The following ZNF492 variants were observed in gnomAD, a reference collection of about 807,000 sequenced individuals.
ZNF492 encodes zinc finger protein 492, also known as zinc finger protein 115 (Y20).
Under a neutral mutation model 6.4 loss-of-function variants are expected in ZNF492, and 3 were observed. The ratio of observed to expected loss-of-function variants is 0.47; its 90% CI spans 0.21 to 1.22. ZNF492 has a LOEUF of 1.22. Ranked by LOEUF, ZNF492 falls within the 50% of genes most tolerant of loss-of-function variation. The pLI is 0.22. For missense variants in ZNF492, 356 were observed against 612.5 expected (o/e 0.58, Z 4.42); for synonymous variants, 112 against 205.3 (o/e 0.55, Z 3.89).
At chr19:22,650,952 G>C (rs537931276) in intron 1 of ZNF492, among the ~76,000 whole-genome samples, 3 of 152,286 alleles carry the variant, frequency 2.0e-5, no homozygotes, top group African/African-American at 7.2e-5. Context: ...CCTCCCCTGG[G>C]AACTCAGCAG....
chr19:22,663,736 G>C (rs1972082487), intron 3 of ZNF492, 64 bp from the exon 4 acceptor site: 2 of 1,402,746 alleles, frequency 1.4e-6, no homozygotes, highest in Non-Finnish European at 9.4e-7. Context: ...TTATAGGTTA[G>C]ATTTGTAAAG....
In ZNF492 at chr19:22,666,082, C is replaced by T. The variant is rs1320149960; in HGVS notation, c.*817C>T. The T allele has an allele frequency of 6.6e-6, 1 of 151,668 alleles. No homozygotes were observed. The highest frequency in any genetic ancestry group is 1.5e-5 in the Non-Finnish European group (1 of 67,942). The allele number at this position is 151,668 out of a possible 1,614,324, so 9.4% of individuals were successfully genotyped here. A position where few individuals can be genotyped will look rare whatever the true frequency, so the allele number is the denominator to read the frequency against. On this transcript the variant is annotated 3_prime_UTR_variant, in exon 4 of 4. Transcript: ENST00000456783. ...TTAAAAGTAAATAACTCTCAAATTA[C>T]TTCATACAAATAATGTTGTAATTAA...
chr19:22,659,502 T>C (rs1225784514), intron 3 of ZNF492, among the ~76,000 whole-genome samples: 1 of 151,724 alleles, frequency 6.6e-6, no homozygotes, highest in Non-Finnish European at 1.5e-5. Context: ...TGTTGCTCTC[T>C]ATGTGTCTCT....
rs1015716025 is a variant in ZNF492, at chr19:22,667,026, C to G, written c.*1761C>G. ...GGTAGATCACCTGAGGTCGGGAGTT[C>G]AAGACCAGCCTGACCAACATGGAGA... On this transcript the variant is annotated 3_prime_UTR_variant, in exon 4 of 4. Coordinates refer to ENST00000456783, the MANE Select transcript of ZNF492 (RefSeq NM_020855.3). 6.6e-6 allele frequency: 1 copy of G among 152,078 alleles called. No individual in the cohort carries two copies. Among genetic ancestry groups the G allele is most frequent in the African/African-American group, 2.4e-5 (1 of 41,394 alleles). The allele number at this position is 152,078 out of a possible 1,614,324, so 9.4% of individuals were successfully genotyped here. A position where few individuals can be genotyped will look rare whatever the true frequency, so the allele number is the denominator to read the frequency against.
chr19:22,651,840 A>C (rs1472670363), intron 1 of ZNF492, among the ~76,000 whole-genome samples: 1 of 146,770 alleles, frequency 6.8e-6, no homozygotes, highest in East Asian at 2.0e-4. Context: ...TTACGCAGAA[A>C]GTTTAAAAAT....
intron 3 of ZNF492, among the ~76,000 whole-genome samples, chr19:22,654,527 CT>C (rs969478039): frequency 5.1e-5 from 7 of 136,852 alleles, no homozygotes; most frequent in South Asian, 2.5e-4. Flanking sequence ...CTGCTTTGTC[CT>C]TTTTTTTTCA....
At chr19:22,660,281 A>G (rs1275128443) in intron 3 of ZNF492, among the ~76,000 whole-genome samples, 2 of 152,122 alleles carry the variant, frequency 1.3e-5, no homozygotes, top group African/African-American at 2.4e-5. Flanking sequence ...ATTGATAAAG[A>G]CGGACTGTTA....
At chr19:22,641,883 T>A (rs1971828529) in intron 1 of ZNF492, among the ~76,000 whole-genome samples, 1 of 152,126 alleles carries the variant, frequency 6.6e-6, no homozygotes, top group Non-Finnish European at 1.5e-5. Context: ...AAGCTCCGCC[T>A]CCCGGGTTCA....
At chr19:22,654,576 T>C (rs1971974480) in intron 3 of ZNF492, among the ~76,000 whole-genome samples, 1 of 151,548 alleles carries the variant, frequency 6.6e-6, no homozygotes, top group African/African-American at 2.4e-5. Flanking sequence ...TGTAAGTCTA[T>C]GTGAGAATTG....
intron 1 of ZNF492, among the ~76,000 whole-genome samples, chr19:22,643,578 A>G (rs569179058): frequency 6.6e-6 from 1 of 152,308 alleles, no homozygotes; most frequent in African/African-American, 2.4e-5. Context: ...GCAGAATCAC[A>G]TTACATAGAT....
chr19:22,659,698 C>G (rs569805199), intron 3 of ZNF492, among the ~76,000 whole-genome samples: 6 of 142,414 alleles, frequency 4.2e-5, no homozygotes, highest in African/African-American at 7.8e-5. Flanking sequence ...CAGAGTCTCA[C>G]TCTGTGTCCC....
intron 3 of ZNF492, among the ~76,000 whole-genome samples, chr19:22,655,810 C>CTTTTTTTT (rs1568355644): frequency 1.7e-5 from 1 of 59,358 alleles, no homozygotes; most frequent in African/African-American, 7.4e-5. Flanking sequence ...TCAAGTTTTT[C>CTTTTTTTT]TTGTTGTTTT....
At chr19:22,634,784 C>T (rs1049024671) in intron 1 of ZNF492, among the ~76,000 whole-genome samples, 1 of 152,078 alleles carries the variant, frequency 6.6e-6, no homozygotes, top group African/African-American at 2.4e-5. Flanking sequence ...GGAGGGTGGT[C>T]AGGGGAGAAT....
In ZNF492 at chr19:22,665,315, T is replaced by C. The variant is rs761274554; in HGVS notation, c.*50T>C. 3.5e-5 allele frequency: 52 copies of C among 1,496,180 alleles called. No homozygotes were observed. The East Asian group carries it at 1.2e-3, about 34-fold the overall frequency. The allele number at this position is 1,496,180 out of a possible 1,614,324, so 92.7% of individuals were successfully genotyped here. ...TTTAAATGGTTATCACACTGGATTG[T>C]AGGTAAGGTAATTCATTCTGGAGAA... On this transcript the variant is annotated 3_prime_UTR_variant, in exon 4 of 4. Transcript: ENST00000456783.
At chr19:22,645,834 C>T (rs1321410142) in intron 1 of ZNF492, among the ~76,000 whole-genome samples, 5 of 151,954 alleles carry the variant, frequency 3.3e-5, no homozygotes, top group South Asian at 2.1e-4. Flanking sequence ...TGGTTGTAGA[C>T]GTGTGGTGTT....
At position 22,664,495 on chromosome 19, in the gene ZNF492, G is replaced by T. The variant is rs1353124856; in HGVS notation, c.826G>T (p.Ala276Ser). ...STLTAHKIIH[A>S]GEKPYKCEEC... ...CCTTACTGCACATAAGATAATTCAT[G>T]CTGGAGAGAAACCTTACAAATGTGA... is the stretch of plus-strand genomic sequence containing the variant. The change falls in exon 4 of 4, where the codon GCT becomes TCT. Residue 276 changes from alanine to serine, a missense_variant. This residue lies in a region of ZNF492 where 7 missense variants were observed against 68.6 expected (regional missense o/e 0.10). Transcript: ENST00000456783. 1 of 1,558,798 alleles carries T rather than the reference G, an allele frequency of 6.4e-7. No individual in the cohort carries two copies. The highest frequency in any genetic ancestry group is 8.7e-7 in the Non-Finnish European group (1 of 1,155,770).
At chr19:22,651,191 C>T (rs1261594632) in intron 1 of ZNF492, among the ~76,000 whole-genome samples, 2 of 151,688 alleles carry the variant, frequency 1.3e-5, no homozygotes, top group East Asian at 1.9e-4. Flanking sequence ...TGGGTTGCTG[C>T]ACCACACTGC....
rs1214489352 is a variant in ZNF492, at chr19:22,641,918, C to T, written c.-94+7444C>T. ...ACGCCATTCTCCTGCCTCAGCCTCC[C>T]GAGTAGCTAGGACTACAGGCGCCTG... On this transcript the variant is annotated intron_variant, in intron 1 of 3. Transcript: ENST00000456783. 1.1e-4 allele frequency among the ~76,000 whole-genome samples: 16 copies of T among 151,944 alleles called. 1 individual carries two copies. Among genetic ancestry groups the T allele is most frequent in the South Asian group, 4.2e-4 (2 of 4,786 alleles).
intron 1 of ZNF492, among the ~76,000 whole-genome samples, chr19:22,640,203 C>G (rs1024037620): frequency 6.6e-6 from 1 of 151,638 alleles, no homozygotes; most frequent in Non-Finnish European, 1.5e-5. Flanking sequence ...CACTCTCTTG[C>G]CTAGGCTGGA....
Sources: gnomAD v4.1 joint callset for allele counts (sites outside exome capture counted in the v4.1 genomes callset) on GRCh38, gnomAD v4.1.1 for gene constraint, gnomAD v4.1.1 regional missense constraint, MANE v1.5 for transcripts, NCBI Gene and HGNC (gene_info 2026-07-23, HGNC 2026-07-21) for gene names.